MACO1: variants seen among roughly 807,000 people sequenced by gnomAD.
MACO1 encodes macoilin 1, also known as macoilin.
A neutral mutation model predicts 78.7 loss-of-function variants in MACO1; 14 were observed. The observed-to-expected ratio is 0.18, with a 90% CI of 0.12 to 0.28. The LOEUF (loss-of-function observed/expected upper bound fraction) is 0.28, where lower values mean the gene tolerates loss of function less well. MACO1 is among the 10% of genes least tolerant of loss of function. MACO1 has a pLI of 1.00. For missense variants in MACO1, 501 were observed against 799.0 expected, an observed-to-expected ratio of 0.63 and a Z score of 4.50; for synonymous variants, 288 against 291.6, an observed-to-expected ratio of 0.99 and a Z score of 0.12.
chr1:25,478,108 G>A (rs1227334321), intron 6 of MACO1, among the ~76,000 whole-genome samples: 1 of 152,114 alleles, frequency 6.6e-6, no homozygotes, highest in African/African-American at 2.4e-5. Context: ...AGCCAGGCAT[G>A]GTGGTACAGG....
rs141475126 is a variant in MACO1, at chr1:25,468,910, G to A, written c.1154+10018G>A. On this transcript the variant is annotated intron_variant, in intron 6 of 10. Coordinates refer to ENST00000374343, the MANE Select transcript of MACO1 (RefSeq NM_018202.6). Reference sequence around the variant, plus strand: ...GTCGCCCAGGCTGAAGTGCAGTGGCGCCATCTGGGAAACTTCACCTCCCAG... The same window carrying A: ...GTCGCCCAGGCTGAAGTGCAGTGGCACCATCTGGGAAACTTCACCTCCCAG... Among the ~76,000 whole-genome samples the A allele has an allele frequency of 1.1e-3, 167 of 152,218 alleles. 1 individual carries two copies. The highest frequency in any genetic ancestry group is 3.9e-3 in the African/African-American group (161 of 41,534).
At chr1:25,482,476 A>C (rs2043388224) in intron 6 of MACO1, among the ~76,000 whole-genome samples, 2 of 152,150 alleles carry the variant, frequency 1.3e-5, no homozygotes, top group African/African-American at 4.8e-5. Context: ...AAGCCAGACT[A>C]ATGGCTTGCC....
chr1:25,477,369 A>C lies in MACO1; in HGVS notation c.1155-6747A>C, dbSNP rs571665201. 2.6e-5 allele frequency among the ~76,000 whole-genome samples: 4 copies of C among 152,270 alleles called. No individual in the cohort carries two copies. In the South Asian group the frequency reaches 8.3e-4, roughly 32 times the overall value. ...TTGGCTGATGTGAAGGGTTTGTTAG[A>C]AAACCTACCTTTCAATTAGTTGGCT... is the stretch of plus-strand genomic sequence containing the variant. On this transcript the variant is annotated intron_variant, in intron 6 of 10. Coordinates refer to ENST00000374343, the MANE Select transcript of MACO1 (RefSeq NM_018202.6).
At chr1:25,442,227 G>T (rs1156728651) in intron 1 of MACO1, among the ~76,000 whole-genome samples, 3 of 152,192 alleles carry the variant, frequency 2.0e-5, no homozygotes, top group Non-Finnish European at 4.4e-5. Flanking sequence ...GCCAGATAAG[G>T]GGCTGAACGA....
Position 25,499,205 on chromosome 1 carries a change from T to C in MACO1, c.*739T>C, listed in dbSNP as rs1436898949. On this transcript the variant is annotated 3_prime_UTR_variant, in exon 11 of 11. Transcript: ENST00000374343. ...GGAAACTTGATAATTTTAAACTCTT[T>C]TCCCCCTTTACCGTCATCTATCCTC... 6.6e-6 allele frequency: 1 copy of C among 152,248 alleles called. No individual in the cohort carries two copies. Among genetic ancestry groups the C allele is most frequent in the Non-Finnish European group, 1.5e-5 (1 of 68,046 alleles). 9.4% of individuals were successfully genotyped at this position (152,248 alleles called of 1,614,324 possible). A position where few individuals can be genotyped will look rare whatever the true frequency, so the allele number is the denominator to read the frequency against.
chr1:25,490,145 GA>G (rs558793265), intron 9 of MACO1, among the ~76,000 whole-genome samples: 1 of 148,136 alleles, frequency 6.8e-6, no homozygotes, highest in Non-Finnish European at 1.5e-5. Flanking sequence ...CAAGCAATGG[GA>G]AAAAATCACA....
chr1:25,454,401 T>C lies in MACO1; in HGVS notation c.473+19T>C. On this transcript the variant is annotated intron_variant, in intron 4 of 10. Coordinates refer to ENST00000374343, the MANE Select transcript of MACO1 (RefSeq NM_018202.6). ...CTCACTGGTAAGTATTACATAAATG[T>C]ATGTGTGTGTGTGTGTATATGTGTG... 1 of 1,543,142 alleles carries C rather than the reference T, an allele frequency of 6.5e-7. No homozygotes were observed. The highest frequency in any genetic ancestry group is 8.8e-7 in the Non-Finnish European group (1 of 1,136,784).
intron 1 of MACO1, among the ~76,000 whole-genome samples, chr1:25,436,578 C>T (rs905431837): frequency 2.0e-5 from 3 of 152,112 alleles, no homozygotes; most frequent in African/African-American, 4.8e-5. Context: ...TAGGATGGTA[C>T]ATACAACAGT....
chr1:25,462,598 T>C (rs1319245552), intron 6 of MACO1, among the ~76,000 whole-genome samples: 1 of 152,210 alleles, frequency 6.6e-6, no homozygotes, highest in Non-Finnish European at 1.5e-5. Flanking sequence ...TCTACTGTAA[T>C]AATATAGATT....
chr1:25,478,506 T>A (rs1485552626), intron 6 of MACO1, among the ~76,000 whole-genome samples: 2 of 152,212 alleles, frequency 1.3e-5, no homozygotes, highest in African/African-American at 4.8e-5. Context: ...AGTTAAGGTT[T>A]GGAGTAAGAG....
chr1:25,452,886 G>C (rs1213548720), intron 3 of MACO1, among the ~76,000 whole-genome samples: 1 of 151,590 alleles, frequency 6.6e-6, no homozygotes, highest in East Asian at 1.9e-4. Context: ...TAGTAGAGAT[G>C]GGGTTTCACC....
chr1:25,478,251 ATT>A (rs950421242), intron 6 of MACO1, among the ~76,000 whole-genome samples: 2 of 152,152 alleles, frequency 1.3e-5, no homozygotes, highest in African/African-American at 4.8e-5. Flanking sequence ...TCTCAAAAAA[ATT>A]TTTTCAATAA....
chr1:25,482,006 T>A lies in MACO1; in HGVS notation c.1155-2110T>A, dbSNP rs1205314616. Reference sequence around the variant, plus strand: ...AAGCTGCCCTATGTCAGGCAACATTTATTGAGTAAGCGTTGATCACTGTGG... The same window carrying A: ...AAGCTGCCCTATGTCAGGCAACATTAATTGAGTAAGCGTTGATCACTGTGG... On this transcript the variant is annotated intron_variant, in intron 6 of 10. Transcript: ENST00000374343. Among the ~76,000 whole-genome samples, 4 of 152,212 alleles carry A rather than the reference T, an allele frequency of 2.6e-5. No individual in the cohort carries two copies. In the East Asian group the frequency reaches 7.7e-4, roughly 29 times the overall value.
intron 1 of MACO1, among the ~76,000 whole-genome samples, chr1:25,434,487 C>G (rs974901180): frequency 1.3e-5 from 2 of 152,098 alleles, no homozygotes; most frequent in African/African-American, 4.8e-5. Context: ...GTCTAGTAGG[C>G]CGTAGTAATA....
intron 4 of MACO1, 108 bp downstream of exon 4, chr1:25,454,490 T>TATATATATA (rs1303883838): frequency 1.3e-4 from 18 of 139,472 alleles, no homozygotes; most frequent in South Asian, 5.6e-4. Flanking sequence ...ATATATATAT[T>TATATATATA]TTTTTTTTTT....
At chr1:25,491,701 T>C (rs1394580862) in intron 10 of MACO1, 117 bp downstream of exon 10, 3 of 753,892 alleles carry the variant, frequency 4.0e-6, no homozygotes, top group Admixed American at 5.6e-5. Flanking sequence ...TCTTCAAGAG[T>C]CTTGGTAAGT....
intron 10 of MACO1, among the ~76,000 whole-genome samples, chr1:25,497,697 C>A (rs1167381612): frequency 2.6e-5 from 4 of 152,204 alleles, no homozygotes; most frequent in Non-Finnish European, 4.4e-5. Flanking sequence ...TGTCAGAGAA[C>A]CTGGTGGCAG....
At position 25,458,797 on chromosome 1, in the gene MACO1, G is replaced by A; in HGVS notation, c.1059G>A (p.Lys353=). The change falls in exon 6 of 11, where the codon AAG becomes AAA. Residue 353 remains lysine, a synonymous_variant. Transcript: ENST00000374343. ...IPSSSSKNEK[K]QKCTSKSPST... ...CCTCATCTAGTAAAAATGAGAAGAAGCAGAAATGCACTAGCAAGAGCCCAA... is the reference window on the plus strand; with the variant it reads ...CCTCATCTAGTAAAAATGAGAAGAAACAGAAATGCACTAGCAAGAGCCCAA... 1 of 1,614,156 alleles carries A rather than the reference G, an allele frequency of 6.2e-7. No individual in the cohort carries two copies. Among genetic ancestry groups the A allele is most frequent in the Non-Finnish European group, 8.5e-7 (1 of 1,180,034 alleles).
intron 6 of MACO1, among the ~76,000 whole-genome samples, chr1:25,480,929 A>AAAAAATATAT (rs1553166539): frequency 1.9e-4 from 9 of 47,894 alleles, no homozygotes; most frequent in South Asian, 9.3e-4. Flanking sequence ...AAAAAAAAAA[A>AAAAAATATAT]ATATATATAT....
Sources: gnomAD v4.1 joint callset for allele counts (sites outside exome capture counted in the v4.1 genomes callset) on GRCh38, gnomAD v4.1.1 for gene constraint, MANE v1.5 for transcripts, NCBI Gene and HGNC (gene_info 2026-07-23, HGNC 2026-07-21) for gene names.